The following TNRC6C variants were observed in gnomAD, a reference collection of about 807,000 sequenced individuals.
The protein encoded by TNRC6C is trinucleotide repeat containing adaptor 6C.
A neutral mutation model predicts 153.7 loss-of-function variants in TNRC6C; 20 were observed. The observed-to-expected ratio is 0.13, with a 90% CI of 0.09 to 0.19. TNRC6C has a LOEUF of 0.19. TNRC6C is among the 10% of genes least tolerant of loss of function. The probability of loss-of-function intolerance (pLI) is 1.00; values close to 1 mark genes in which losing one functional copy is unlikely to be tolerated. For missense variants in TNRC6C, 1,987 were observed against 2,172.0 expected (o/e 0.91, Z 1.69); for synonymous variants, 811 against 841.4 (o/e 0.96, Z 0.63).
exon 2 of TNRC6C, chr17:78,031,634 G>T: frequency 8.1e-7 from 1 of 1,232,406 alleles, no homozygotes; most frequent in Non-Finnish European, 1.0e-6. Context: ...CCAGTGGCCA[G>T]CAGCCAGCTG....
At chr17:78,087,953 T>C (rs1359823494) in intron 13 of TNRC6C, among the ~76,000 whole-genome samples, 2 of 152,172 alleles carry the variant, frequency 1.3e-5, no homozygotes, top group African/African-American at 4.8e-5. Flanking sequence ...AATTCAGAAG[T>C]TAGTGAAAGC....
intron 13 of TNRC6C, among the ~76,000 whole-genome samples, chr17:78,088,522 A>G (rs540481822): frequency 2.0e-4 from 31 of 152,146 alleles, no homozygotes. Context: ...ATACTGAGCC[A>G]TGCCTTAATT....
chr17:78,088,636 T>G (rs148249731), intron 13 of TNRC6C, among the ~76,000 whole-genome samples: 5 of 151,886 alleles, frequency 3.3e-5, no homozygotes, highest in African/African-American at 1.2e-4. Context: ...CTCTCTCTTT[T>G]TTTTTTTGGC....
intron 8 of TNRC6C, among the ~76,000 whole-genome samples, chr17:78,076,738 A>G (rs896478297): frequency 2.0e-5 from 3 of 152,190 alleles, no homozygotes; most frequent in African/African-American, 4.8e-5. Flanking sequence ...TATTAGTTCT[A>G]TAACTCACCC....
intron 16 of TNRC6C, chr17:78,097,819 A>G: frequency 6.4e-7 from 1 of 1,550,858 alleles, no homozygotes; most frequent in Non-Finnish European, 8.7e-7. Context: ...CTCCGGCTAC[A>G]GTAGCTCTTT....
intron 2 of TNRC6C, among the ~76,000 whole-genome samples, chr17:78,036,149 T>G (rs1325108510): frequency 6.6e-6 from 1 of 152,224 alleles, no homozygotes; most frequent in Non-Finnish European, 1.5e-5. Flanking sequence ...AAGAGCAAAG[T>G]GAAGCTTGGA....
chr17:78,004,323 C>T, upstream of TNRC6C: 1 of 1,231,458 alleles, frequency 8.1e-7, no homozygotes, highest in African/African-American at 1.5e-5. Context: ...GTCTCATTTG[C>T]ATCATCATAG....
intron 1 of TNRC6C, among the ~76,000 whole-genome samples, chr17:77,960,159 T>C (rs1041808508): frequency 2.6e-5 from 4 of 152,192 alleles, no homozygotes; most frequent in African/African-American, 9.7e-5. Flanking sequence ...TGGAGTTGTC[T>C]CAAACCTTTG....
intron 3 of TNRC6C, among the ~76,000 whole-genome samples, chr17:78,059,694 C>A (rs2144127567): frequency 6.6e-6 from 1 of 151,796 alleles, no homozygotes; most frequent in African/African-American, 2.4e-5. Flanking sequence ...ACAAAAAATA[C>A]AAAAATTAGC....
exon 12 of TNRC6C, chr17:78,086,586 A>G (rs1567960091): frequency 6.2e-7 from 1 of 1,613,836 alleles, no homozygotes; most frequent in African/African-American, 1.3e-5. Context: ...AGGAGCAGCA[A>G]GTAGGTGCTA....
In TNRC6C at chr17:78,083,041, A is replaced by T. The variant is rs1241211618; in HGVS notation, c.3358-6A>T. The T allele has an allele frequency of 2.1e-5, 34 of 1,613,594 alleles. 1 individual carries two copies. The Admixed American group carries it at 5.5e-4, about 26-fold the overall frequency. On this transcript the variant is annotated splice_polypyrimidine_tract_variant and splice_region_variant and intron_variant, in intron 10 of 19. Transcript: ENST00000301624. ...AACGGCTAATAGTATATTTTATGTTAAACAGGTTCAAGCACAGCTTTTGCA... is the reference window on the plus strand; with the variant it reads ...AACGGCTAATAGTATATTTTATGTTTAACAGGTTCAAGCACAGCTTTTGCA...
At chr17:78,078,011 G>GAC (rs146186006) in intron 9 of TNRC6C, among the ~76,000 whole-genome samples, 40 of 151,742 alleles carry the variant, frequency 2.6e-4, no homozygotes, top group East Asian at 7.7e-4. Context: ...GGATGAGGTT[G>GAC]ACACACACAC....
At chr17:78,000,181 A>G (rs1479412461), upstream of TNRC6C, among the ~76,000 whole-genome samples, 2 of 152,194 alleles carry the variant, frequency 1.3e-5, no homozygotes, top group South Asian at 2.1e-4. Context: ...GACCTTCTCT[A>G]TACCAATGAC....
intron 1 of TNRC6C, among the ~76,000 whole-genome samples, chr17:78,013,593 T>G (rs1009033033): frequency 4.6e-5 from 7 of 152,190 alleles, no homozygotes; most frequent in African/African-American, 1.2e-4. Flanking sequence ...CTGAGTCTTA[T>G]GAGGAATGGA....
intron 16 of TNRC6C, chr17:78,097,842 A>G (rs2144618093): frequency 6.5e-7 from 1 of 1,548,742 alleles, no homozygotes; most frequent in East Asian, 2.4e-5. Context: ...GCAGCATTGC[A>G]TCCGCACCTA....
At chr17:78,018,838 T>C (rs762917258) in intron 1 of TNRC6C, among the ~76,000 whole-genome samples, 1 of 152,006 alleles carries the variant, frequency 6.6e-6, no homozygotes, top group Non-Finnish European at 1.5e-5. Flanking sequence ...AGGCCATAGA[T>C]TGAGAGAAGC....
intron 3 of TNRC6C, 104 bp downstream of exon 5, chr17:78,051,552 A>G (rs2072537329): frequency 1.7e-6 from 2 of 1,199,144 alleles, no homozygotes; most frequent in Admixed American, 6.8e-5. Context: ...TTTATAGCAA[A>G]TAGCATTAAA....
At chr17:77,989,026 A>G (rs2071212325) in intron 1 of TNRC6C, among the ~76,000 whole-genome samples, 2 of 152,238 alleles carry the variant, frequency 1.3e-5, no homozygotes, top group African/African-American at 2.4e-5. Flanking sequence ...AGTATCTACA[A>G]CTAGAAGTCA....
intron 2 of TNRC6C, among the ~76,000 whole-genome samples, chr17:78,040,821 C>G (rs2143847346): frequency 6.6e-6 from 1 of 152,234 alleles, no homozygotes; most frequent in Non-Finnish European, 1.5e-5. Context: ...GCTGTAAAAT[C>G]CCATCCGTCC....
Sources: gnomAD v4.1 joint callset for allele counts (sites outside exome capture counted in the v4.1 genomes callset) on GRCh38, gnomAD v4.1.1 for gene constraint, MANE v1.5 for transcripts, NCBI Gene and HGNC (gene_info 2026-07-23, HGNC 2026-07-21) for gene names.